Variants in PGAM5 observed in about 807,000 individuals in gnomAD.
PGAM5 encodes PGAM family member 5, mitochondrial serine/threonine protein phosphatase.
A neutral mutation model predicts 30.6 loss-of-function variants in PGAM5; 25 were observed. That is an observed-to-expected ratio of 0.82 (90% CI 0.60 to 1.14). The LOEUF (loss-of-function observed/expected upper bound fraction) is 1.14. PGAM5 is among the 50% of genes most tolerant of loss of function. PGAM5 has a pLI of 0.00. For synonymous variants in PGAM5, 201 were observed against 179.1 expected, an observed-to-expected ratio of 1.12 and a Z score of -0.98; for missense variants, 384 against 408.5, an observed-to-expected ratio of 0.94 and a Z score of 0.52.
At chr12:132,714,805 A>G in intron 1 of PGAM5, 53 bp from the exon 2 acceptor site, 1 of 1,580,640 alleles carries the variant, frequency 6.3e-7, no homozygotes, top group Non-Finnish European at 8.6e-7. Flanking sequence ...TGTCAGAAAA[A>G]CTCAAACTTG....
In PGAM5 at chr12:132,710,921, C is replaced by T. The variant is rs2043515164; in HGVS notation, c.45C>T (p.Ala15=). Residue 15 remains alanine (A), a synonymous_variant, in exon 1 of 6, where the codon GCC becomes GCT. Coordinates refer to ENST00000498926, the MANE Select transcript of PGAM5 (RefSeq NM_001170543.2). ...TGCAGCTGGCGGCCTGCGGGCTGGC[C>T]GGGGGCTCGGCCGCCGTGCTCTTCT... The part of the protein sequence containing the change: ...QALQLAACGL[A]GGSAAVLFSA... The T allele has an allele frequency of 8.6e-6, 10 of 1,156,676 alleles. No individual in the cohort carries two copies. The highest frequency in any genetic ancestry group is 4.2e-5 in the East Asian group (1 of 23,726). The allele number at this position is 1,156,676 out of a possible 1,614,324, so 71.7% of individuals were successfully genotyped here. A position where few individuals can be genotyped will look rare whatever the true frequency, so the allele number is the denominator to read the frequency against.
At chr12:132,716,051 G>C (rs936084016) in intron 2 of PGAM5, among the ~76,000 whole-genome samples, 1 of 151,980 alleles carries the variant, frequency 6.6e-6, no homozygotes, top group South Asian at 2.1e-4. Context: ...GCTTCTCTGC[G>C]GCCTGTGGCA....
At chr12:132,719,294 C>A in intron 5 of PGAM5, 1 of 1,016,980 alleles carries the variant, frequency 9.8e-7, no homozygotes, top group Non-Finnish European at 1.2e-6. Context: ...CCGTGTGAGG[C>A]TGGGCCCTGG....
Position 132,719,242 on chromosome 12 carries a change from G to A in PGAM5, c.719+1122G>A, listed in dbSNP as rs1307340929. On this transcript the variant is annotated intron_variant, in intron 5 of 5. Transcript: ENST00000498926. ...CTGAGGGGGCCCTCTTGAGTGTGACGAGTCCTGTGGTGGGAGGACAGGACG... is the reference window on the plus strand; with the variant it reads ...CTGAGGGGGCCCTCTTGAGTGTGACAAGTCCTGTGGTGGGAGGACAGGACG... The A allele has an allele frequency of 7.1e-6, 8 of 1,128,980 alleles. No individual in the cohort carries two copies. In the South Asian group the frequency reaches 1.0e-4, roughly 15 times the overall value. The allele number at this position is 1,128,980 out of a possible 1,614,324, so 69.9% of individuals were successfully genotyped here.
At chr12:132,719,628 C>A (rs1215319442) in intron 5 of PGAM5, among the ~76,000 whole-genome samples, 1 of 152,218 alleles carries the variant, frequency 6.6e-6, no homozygotes, top group Non-Finnish European at 1.5e-5. Flanking sequence ...TAAAAATGCA[C>A]AGAAATAACC....
Position 132,720,772 on chromosome 12 carries a change from C to T in PGAM5, c.814C>T (p.Leu272Phe). Residue 272 changes from leucine to phenylalanine, a missense_variant, in exon 6 of 6, where the codon CTC (leucine) becomes TTC (phenylalanine). By Grantham distance (22) the Leu-to-Phe change is conservative (BLOSUM62 0). Coordinates refer to ENST00000498926, the MANE Select transcript of PGAM5 (RefSeq NM_001170543.2). ...LVIRPNGRVA[L>F]RTLGDTGFMP... ...GATCCGACCCAACGGCCGAGTTGCG[C>T]TCAGGACCCTCGGGGACACGGGGTT... 1 of 1,536,500 alleles carries T rather than the reference C, an allele frequency of 6.5e-7. No individual in the cohort carries two copies. Among genetic ancestry groups the T allele is most frequent in the Non-Finnish European group, 8.7e-7 (1 of 1,146,902 alleles).
At chr12:132,711,245 G>A (rs2043518959) in intron 1 of PGAM5, 178 bp downstream of exon 1, 2 of 426,838 alleles carry the variant, frequency 4.7e-6, no homozygotes, top group Non-Finnish European at 7.2e-6. Flanking sequence ...GGGTTCCGGG[G>A]GCGGCTGACC....
In PGAM5 at chr12:132,715,015, G is replaced by C. The variant is rs1455953121; in HGVS notation, c.349G>C (p.Asp117His). 6.2e-7 allele frequency: 1 copy of C among 1,612,502 alleles called. No homozygotes were observed. The highest frequency in any genetic ancestry group is 1.3e-5 in the African/African-American group (1 of 74,902). The change falls in exon 2 of 6, where the codon GAC becomes CAC. Residue 117 changes from aspartate (D) to histidine (H), a missense_variant. By Grantham distance (81) the Asp-to-His change is moderately conservative. Coordinates refer to ENST00000498926, the MANE Select transcript of PGAM5 (RefSeq NM_001170543.2). ...CCACGTGGATGGCTCCCTGGAGAAG[G>C]ACCGCACTCTGACCCCGCTGGGTAT... ...QYHVDGSLEK[D>H]RTLTPLGREQ...
In PGAM5 at chr12:132,717,583, G is replaced by T; in HGVS notation, c.496+19G>T. Reference sequence around the variant, plus strand: ...CTGCCAGGTGAGTGCTGCGCGCGGGGCCTCCATGCTTGCAGCAGTGGGCGG... The same window carrying T: ...CTGCCAGGTGAGTGCTGCGCGCGGGTCCTCCATGCTTGCAGCAGTGGGCGG... On this transcript the variant is annotated intron_variant, in intron 3 of 5. Coordinates refer to ENST00000498926, the MANE Select transcript of PGAM5 (RefSeq NM_001170543.2). The T allele has an allele frequency of 2.5e-6, 4 of 1,609,164 alleles. No homozygotes were observed. In the South Asian group the frequency reaches 4.4e-5, roughly 18 times the overall value.
Position 132,718,139 on chromosome 12 carries a change from G to A in PGAM5, c.719+19G>A. The A allele has an allele frequency of 6.2e-7, 1 of 1,612,136 alleles. No homozygotes were observed. Among genetic ancestry groups the A allele is most frequent in the South Asian group, 1.1e-5 (1 of 91,048 alleles). On this transcript the variant is annotated intron_variant, in intron 5 of 5. Coordinates refer to ENST00000498926, the MANE Select transcript of PGAM5 (RefSeq NM_001170543.2). ...TGTGCAGGTAGGCAGCTGCTGGGCT[G>A]GGCGTGGTCTAAAATAATTTCAGAC... is the stretch of plus-strand genomic sequence containing the variant.
intron 5 of PGAM5, chr12:132,718,802 G>C (rs2043614021): frequency 2.5e-6 from 4 of 1,613,558 alleles, no homozygotes; most frequent in Non-Finnish European, 3.4e-6. Flanking sequence ...TGTGCTTCTG[G>C]GGTCCTGACC....
intron 1 of PGAM5, among the ~76,000 whole-genome samples, chr12:132,714,448 T>C (rs1380842320): frequency 1.3e-5 from 2 of 152,252 alleles, no homozygotes; most frequent in Non-Finnish European, 2.9e-5. Context: ...TAGGCTCTGC[T>C]GAAGCATCAT....
At chr12:132,718,774 G>T in intron 5 of PGAM5, 1 of 1,613,580 alleles carries the variant, frequency 6.2e-7, no homozygotes, top group Non-Finnish European at 8.5e-7. Context: ...TCCCGCCGCT[G>T]TTGTCCGCTG....
intron 1 of PGAM5, among the ~76,000 whole-genome samples, chr12:132,711,951 G>C (rs1338399359): frequency 6.6e-6 from 1 of 152,094 alleles, no homozygotes; most frequent in South Asian, 2.1e-4. Flanking sequence ...GTTTCTGTCG[G>C]CCAGGACTGC....
chr12:132,710,885 C>A lies in PGAM5; in HGVS notation c.9C>A (p.Phe3Leu). 2 of 1,136,682 alleles carry A rather than the reference C, an allele frequency of 1.8e-6. No individual in the cohort carries two copies. Among genetic ancestry groups the A allele is most frequent in the Non-Finnish European group, 1.1e-6 (1 of 928,456 alleles). 70.4% of individuals were successfully genotyped at this position (1,136,682 alleles called of 1,614,324 possible). Residue 3 changes from phenylalanine to leucine, a missense_variant, in exon 1 of 6, where the codon TTC becomes TTA. Coordinates refer to ENST00000498926, the MANE Select transcript of PGAM5 (RefSeq NM_001170543.2). MA[F>L]RQALQLAACG... ...GCGCGGGAGCAAGCGGCATGGCGTTCCGGCAGGCGCTGCAGCTGGCGGCCT... is the reference window on the plus strand; with the variant it reads ...GCGCGGGAGCAAGCGGCATGGCGTTACGGCAGGCGCTGCAGCTGGCGGCCT...
In PGAM5 at chr12:132,722,210, G is replaced by A. The variant is rs1455279961; in HGVS notation, c.*1382G>A. ...ACAGCTCAATCTTAGTTTGCCTCCA[G>A]TTAATCTTTTATGCTTAGGGATTAA... On this transcript the variant is annotated 3_prime_UTR_variant, in exon 6 of 6. Transcript: ENST00000498926. The A allele has an allele frequency of 6.6e-6, 1 of 151,210 alleles. No homozygotes were observed. The highest frequency in any genetic ancestry group is 1.5e-5 in the Non-Finnish European group (1 of 67,872). The allele number at this position is 151,210 out of a possible 1,614,324, so 9.4% of individuals were successfully genotyped here. A position where few individuals can be genotyped will look rare whatever the true frequency, so the allele number is the denominator to read the frequency against.
At chr12:132,711,625 A>C (rs1281565208) in intron 1 of PGAM5, 1 of 152,018 alleles carries the variant, frequency 6.6e-6, no homozygotes, top group Non-Finnish European at 1.5e-5. Context: ...TCTACAAAAA[A>C]TACAAAAAAA....
rs997698176 is a variant in PGAM5, at chr12:132,714,851, ACAT to A, written c.192-4_192-2del. 6.2e-7 allele frequency: 1 copy of A among 1,613,098 alleles called. No homozygotes were observed. Among genetic ancestry groups the A allele is most frequent in the African/African-American group, 1.3e-5 (1 of 75,062 alleles). On this transcript the variant is annotated splice_polypyrimidine_tract_variant and splice_region_variant and intron_variant, in intron 1 of 5. Coordinates refer to ENST00000498926, the MANE Select transcript of PGAM5 (RefSeq NM_001170543.2). ...TCTCAAGGACATATCTTGTATTTCA[ACAT>A]CAGGCGAGAACCACTGTCTCTGATC...
At chr12:132,719,229 T>G (rs1275369104) in intron 5 of PGAM5, 1 of 1,138,128 alleles carries the variant, frequency 8.8e-7, no homozygotes, top group Admixed American at 4.7e-5. Flanking sequence ...GAGGGGGCCC[T>G]CTTGAGTGTG....
Sources: allele counts gnomAD v4.1 joint callset (sites outside exome capture counted in the v4.1 genomes callset), GRCh38; gene constraint gnomAD v4.1.1; transcripts MANE v1.5; gene names NCBI Gene and HGNC (gene_info 2026-07-23, HGNC 2026-07-21).